The following SEMA4D variants were observed in gnomAD, a reference collection of about 807,000 sequenced individuals.
The protein encoded by SEMA4D is semaphorin-4D.
A neutral mutation model predicts 74.8 loss-of-function variants in SEMA4D; 22 were observed. The observed-to-expected ratio is 0.29, with a 90% CI of 0.21 to 0.42. The LOEUF (loss-of-function observed/expected upper bound fraction) is 0.42. Ranked by LOEUF, SEMA4D falls within the 10% of genes least tolerant of loss-of-function variation. The probability of loss-of-function intolerance (pLI) is 1.00; values close to 1 mark genes in which losing one functional copy is unlikely to be tolerated. For synonymous variants in SEMA4D, 445 were observed against 463.7 expected, an observed-to-expected ratio of 0.96 and a Z score of 0.52; for missense variants, 937 against 1,118.4, an observed-to-expected ratio of 0.84 and a Z score of 2.31.
intron 4 of SEMA4D, among the ~76,000 whole-genome samples, chr9:89,401,027 T>G (rs746573539): frequency 1.3e-5 from 2 of 152,228 alleles, no homozygotes; most frequent in African/African-American, 2.4e-5. Flanking sequence ...CACATCTTTC[T>G]GCTCAGAGTG....
rs552474091 is a variant in SEMA4D at position 89,480,007 on chromosome 9, C to A, written c.-310+17912G>T. 5 of 152,340 alleles carry A rather than the reference C, an allele frequency of 3.3e-5. No homozygotes were observed. The East Asian group carries it at 9.6e-4, about 29-fold the overall frequency. The allele number at this position is 152,340 out of a possible 1,614,324, so 9.4% of individuals were successfully genotyped here. A position where few individuals can be genotyped will look rare whatever the true frequency, so the allele number is the denominator to read the frequency against. On this transcript the variant is annotated intron_variant, in intron 1 of 15. Coordinates refer to ENST00000422704, the MANE Select transcript of SEMA4D (RefSeq NM_001371194.2). ...GCGCTGATTGGTGCGTTTACAATCC[C>A]TGAGCTAGATAGAAAGGTTCTCCAC...
In SEMA4D at chr9:89,388,874, C is replaced by G. The variant is rs771745891; in HGVS notation, c.948G>C (p.Gln316His). The change falls in exon 10 of 16, where the codon CAG becomes CAC. Residue 316 changes from glutamine (Q) to histidine (H), a missense_variant and splice_region_variant. Gln to His is a conservative substitution (Grantham distance 24). Coordinates refer to ENST00000422704, the MANE Select transcript of SEMA4D (RefSeq NM_001371194.2). ...GGGACTCCACCCAGGGCACTTACAG[C>G]TGTGGGGTGAAGAGTGCATAGAACA... ...VPVFYALFTPQLNNVGLSAVC... is the reference protein window; with the variant it reads ...VPVFYALFTPHLNNVGLSAVC... The G allele has an allele frequency of 6.2e-7, 1 of 1,613,842 alleles. No homozygotes were observed. Among genetic ancestry groups the G allele is most frequent in the Non-Finnish European group, 8.5e-7 (1 of 1,179,800 alleles).
At position 89,382,568 on chromosome 9, in the gene SEMA4D, C is replaced by T. The variant is rs145228595; in HGVS notation, c.1447-1222G>A. On this transcript the variant is annotated intron_variant, in intron 13 of 15. Coordinates refer to ENST00000422704, the MANE Select transcript of SEMA4D (RefSeq NM_001371194.2). ...AATACACAGCAGAGGGAACCTGGCC[C>T]GCCGCTGGCCTCACAGCAGCAGCAG... Among the ~76,000 whole-genome samples the T allele has an allele frequency of 4.7e-3, 721 of 152,254 alleles. 3 individuals are homozygous for T. Among genetic ancestry groups the T allele is most frequent in the African/African-American group, 0.016 (681 of 41,550 alleles).
rs772000502 is a variant in SEMA4D at position 89,379,082 on chromosome 9, C to T, written c.2211G>A (p.Met737Ile). The T allele has an allele frequency of 5.0e-6, 8 of 1,613,816 alleles. No individual in the cohort carries two copies. The Admixed American group carries it at 1.0e-4, about 20-fold the overall frequency. Reference protein sequence around the residue: ...YLKSSDNRLLMSLFLFFFVLF... With the variant: ...YLKSSDNRLLISLFLFFFVLF... ...GAACAAAGAAGAAGAGGAAGAGGGA[C>T]ATGAGGAGGCGGTTGTCGCTGGACT... The change falls in exon 16 of 16, where the codon ATG (methionine) becomes ATA (isoleucine). Residue 737 changes from methionine to isoleucine, a missense_variant. Met to Ile is a conservative substitution (Grantham distance 10). Coordinates refer to ENST00000422704, the MANE Select transcript of SEMA4D (RefSeq NM_001371194.2).
chr9:89,393,581 G>C lies in SEMA4D; in HGVS notation c.489C>G (p.Ser163Arg). Residue 163 changes from serine (S) to arginine (R), a missense_variant, in exon 7 of 16, where the codon AGC (serine) becomes AGG (arginine). By Grantham distance (110) the Ser-to-Arg change is moderately radical. Transcript: ENST00000422704. ...KGRCPFDPAH[S>R]YTSVMVDGEL... ...ACTCACCAACCATGACGGATGTGTA[G>C]CTGTGTGCTGGGTCAAAGGGACATC... 1 of 1,614,132 alleles carries C rather than the reference G, an allele frequency of 6.2e-7. No individual in the cohort carries two copies. The highest frequency in any genetic ancestry group is 8.5e-7 in the Non-Finnish European group (1 of 1,179,944).
At chr9:89,450,686 A>AAAAAAAAAAAAAAAAAAC in intron 2 of SEMA4D, 6 of 945,092 alleles carry the variant, frequency 6.3e-6, no homozygotes, top group Non-Finnish European at 9.6e-6. Context: ...AAAAAAAAAA[A>AAAAAAAAAAAAAAAAAAC]AGGCCTCCAA....
intron 2 of SEMA4D, among the ~76,000 whole-genome samples, chr9:89,410,080 T>A (rs919927631): frequency 6.7e-4 from 3 of 4,470 alleles, no homozygotes; most frequent in African/African-American, 8.9e-4. Flanking sequence ...GCAGTGGGGG[T>A]GGGCGGTGGG....
exon 19 of SEMA4D, chr9:89,361,990 G>T: frequency 3.5e-6 from 1 of 289,096 alleles, no homozygotes; most frequent in South Asian, 5.9e-5. Flanking sequence ...ATTAGGGGGT[G>T]GGGGCACTCT....
Position 89,392,543 on chromosome 9 carries a change from G to C in SEMA4D, c.509-7C>G, listed in dbSNP as rs368073060. Reference sequence around the variant, plus strand: ...CCCGAATAAAGTTCTCCATCTGCAGGGGCCCAGAAGAAAAGAGGAAAAGGG... The same window carrying C: ...CCCGAATAAAGTTCTCCATCTGCAGCGGCCCAGAAGAAAAGAGGAAAAGGG... On this transcript the variant is annotated splice_region_variant and splice_polypyrimidine_tract_variant and intron_variant, in intron 7 of 15. Coordinates refer to ENST00000422704, the MANE Select transcript of SEMA4D (RefSeq NM_001371194.2). 2.2e-5 allele frequency: 35 copies of C among 1,595,218 alleles called. 1 individual carries two copies. The African/African-American group carries it at 4.0e-4, about 18-fold the overall frequency.
At chr9:89,364,898 G>C (rs1267071849) in intron 16 of SEMA4D, 1 of 130,974 alleles carries the variant, frequency 7.6e-6, no homozygotes, top group South Asian at 2.4e-4. Flanking sequence ...GACACTATTT[G>C]TTCCAGGTGG....
At chr9:89,434,695 CTT>C (rs570617888) in intron 2 of SEMA4D, among the ~76,000 whole-genome samples, 27 of 152,352 alleles carry the variant, frequency 1.8e-4, no homozygotes, top group African/African-American at 6.5e-4. Context: ...TGCAAAATCT[CTT>C]TACCATGTAA....
At chr9:89,463,937 CAAA>C (rs11394548) in intron 1 of SEMA4D, among the ~76,000 whole-genome samples, 1 of 125,592 alleles carries the variant, frequency 8.0e-6, no homozygotes, top group Admixed American at 7.9e-5. Context: ...CCGTCTCAGA[CAAA>C]AAAAAAAAAA....
intron 6 of SEMA4D, 137 bp downstream of exon 6, chr9:89,396,600 C>T: frequency 2.7e-6 from 2 of 737,964 alleles, no homozygotes; most frequent in South Asian, 1.8e-5. Flanking sequence ...CAAGCTGCCC[C>T]CGTTTTCTGC....
At chr9:89,363,935 C>T (rs764062294) in exon 17 of SEMA4D, 41 of 1,613,976 alleles carry the variant, frequency 2.5e-5, no homozygotes, top group East Asian at 2.2e-5. Flanking sequence ...CCAGACAAAG[C>T]GAATGTCTGC....
chr9:89,402,321 G>A (rs1455331630), intron 4 of SEMA4D, among the ~76,000 whole-genome samples: 1 of 152,176 alleles, frequency 6.6e-6, no homozygotes, highest in Non-Finnish European at 1.5e-5. Context: ...GAATGGACAG[G>A]GTGACCAGCT....
intron 8 of SEMA4D, among the ~76,000 whole-genome samples, chr9:89,391,781 A>T (rs1288167238): frequency 1.3e-5 from 2 of 152,212 alleles, no homozygotes. Context: ...GCTGGTTTAA[A>T]CAACACATGC....
chr9:89,409,903 C>A (rs1022325486), intron 2 of SEMA4D, among the ~76,000 whole-genome samples: 2 of 152,172 alleles, frequency 1.3e-5, no homozygotes, highest in African/African-American at 2.4e-5. Context: ...TGGGAGAACA[C>A]AGAGATTTAT....
intron 2 of SEMA4D, among the ~76,000 whole-genome samples, chr9:89,430,567 A>G (rs1301047580): frequency 2.0e-5 from 3 of 152,202 alleles, no homozygotes; most frequent in Non-Finnish European, 4.4e-5. Context: ...ATGTCTACAG[A>G]GTCTAACAGG....
Position 89,386,046 on chromosome 9 carries a change from G to A in SEMA4D, c.1446+321C>T, listed in dbSNP as rs993983686. ...CAGATGCAGTCTGCACACCCCCCAA[G>A]CTCAGGGCATAAAAAGGTGTCTTCA... On this transcript the variant is annotated intron_variant, in intron 13 of 15. Transcript: ENST00000422704. The A allele has an allele frequency of 4.1e-6, 4 of 985,294 alleles. No homozygotes were observed. The African/African-American group carries it at 7.0e-5, about 17-fold the overall frequency. 61.0% of individuals were successfully genotyped at this position (985,294 alleles called of 1,614,324 possible). A position where few individuals can be genotyped will look rare whatever the true frequency, so the allele number is the denominator to read the frequency against.
Sources: gnomAD v4.1 joint callset for allele counts (sites outside exome capture counted in the v4.1 genomes callset) on GRCh38, gnomAD v4.1.1 for gene constraint, MANE v1.5 for transcripts, NCBI Gene and HGNC (gene_info 2026-07-23, HGNC 2026-07-21) for gene names.